KLHL40: variants seen among roughly 807,000 people sequenced by gnomAD.
KLHL40 encodes the protein kelch like family member 40, also known as kelch-like protein 40.
Under a neutral mutation model 49.7 loss-of-function variants are expected in KLHL40, and 44 were observed. The observed-to-expected ratio is 0.89, with a 90% confidence interval of 0.70 to 1.14. The LOEUF (loss-of-function observed/expected upper bound fraction) is 1.14. KLHL40 is among the 50% of genes most tolerant of loss of function. KLHL40 has a pLI of 0.00. For synonymous variants in KLHL40, 409 were observed against 365.2 expected, an observed-to-expected ratio of 1.12 and a Z score of -1.37; for missense variants, 892 against 850.3, an observed-to-expected ratio of 1.05 and a Z score of -0.61.
At position 42,686,639 on chromosome 3, in the gene KLHL40, G is replaced by A. The variant is rs1403914091; in HGVS notation, c.1021G>A (p.Ala341Thr). Reference sequence around the variant, plus strand: ...TCCAGCAGCCAACGAGTGCTACTGTGCTTCCCTCTCCAACCAGGTCCCCAA... The same window carrying A: ...TCCAGCAGCCAACGAGTGCTACTGTACTTCCCTCTCCAACCAGGTCCCCAA... ...YDPAANECYC[A>T]SLSNQVPKNH... is the part of the protein sequence containing the mutation. Residue 341 changes from alanine to threonine, a missense_variant, in exon 1 of 6, where the codon GCT (alanine) becomes ACT (threonine). Physicochemically the swap from Ala to Thr is moderately conservative, Grantham distance 58 (BLOSUM62 0). Transcript: ENST00000287777. 6.2e-7 allele frequency: 1 copy of A among 1,614,054 alleles called. No homozygotes were observed. The highest frequency in any genetic ancestry group is 2.2e-5 in the East Asian group (1 of 44,880).
At position 42,688,275 on chromosome 3, in the gene KLHL40, T is replaced by C; in HGVS notation, c.1286T>C (p.Leu429Pro). 1 of 1,613,850 alleles carries C rather than the reference T, an allele frequency of 6.2e-7. No individual in the cohort carries two copies. The highest frequency in any genetic ancestry group is 8.5e-7 in the Non-Finnish European group (1 of 1,179,994). ...GREIKDGERC[L>P]DSVMCYDRLS... The stretch of plus-strand genomic sequence containing the variant: ...GAGATCAAGGACGGCGAGCGCTGCC[T>C]GGACTCGGTCATGTGCTACGACAGG... The change falls in exon 2 of 6, where the codon CTG becomes CCG. Residue 429 changes from leucine to proline, a missense_variant. By Grantham distance (98) the Leu-to-Pro change is moderately conservative. Transcript: ENST00000287777. This position sits in a 1 kb window ranked among gnomAD's most constrained non-coding sequence, Gnocchi z 4.2.
Position 42,692,099 on chromosome 3 carries a change from T to C in KLHL40, c.*106T>C. 6 of 720,590 alleles carry C rather than the reference T, an allele frequency of 8.3e-6. No homozygotes were observed. The South Asian group carries it at 9.5e-5, about 11-fold the overall frequency. The allele number at this position is 720,590 out of a possible 1,614,324, so 44.6% of individuals were successfully genotyped here. On this transcript the variant is annotated 3_prime_UTR_variant, in exon 6 of 6. Coordinates refer to ENST00000287777, the MANE Select transcript of KLHL40 (RefSeq NM_152393.4). ...AGGCTAGGAGAGGCCAGAGTCTACCTGGATCCAGTTATGGTGCCTCAGGGG... is the reference window on the plus strand; with the variant it reads ...AGGCTAGGAGAGGCCAGAGTCTACCCGGATCCAGTTATGGTGCCTCAGGGG...
Position 42,692,323 on chromosome 3 carries a change from C to A in KLHL40, c.*330C>A. 1 of 433,006 alleles carries A rather than the reference C, an allele frequency of 2.3e-6. No individual in the cohort carries two copies. The highest frequency in any genetic ancestry group is 4.2e-6 in the Non-Finnish European group (1 of 236,186). 26.8% of individuals were successfully genotyped at this position (433,006 alleles called of 1,614,324 possible). A position where few individuals can be genotyped will look rare whatever the true frequency, so the allele number is the denominator to read the frequency against. ...TGTGCTGGCAAAGTTCCCCACAGGA[C>A]TCAGCCTTCTCGTCTGTCCGATGGG... On this transcript the variant is annotated 3_prime_UTR_variant, in exon 6 of 6. Transcript: ENST00000287777.
rs745679491 is a variant in KLHL40, at chr3:42,686,626, C to T, written c.1008C>T (p.Asn336=). 8 of 1,613,970 alleles carry T rather than the reference C, an allele frequency of 5.0e-6. No homozygotes were observed. The highest frequency in any genetic ancestry group is 2.7e-5 in the African/African-American group (2 of 74,936). Residue 336 remains asparagine, a synonymous_variant, in exon 1 of 6, where the codon AAC becomes AAT. Transcript: ENST00000287777. ...EGAVAYDPAA[N]ECYCASLSNQ... ...CTGTGGCCTACGATCCAGCAGCCAA[C>T]GAGTGCTACTGTGCTTCCCTCTCCA... is the stretch of plus-strand genomic sequence containing the variant.
At position 42,686,347 on chromosome 3, in the gene KLHL40, C is replaced by T. The variant is rs981730572; in HGVS notation, c.729C>T (p.Leu243=). 1.2e-6 allele frequency: 2 copies of T among 1,612,352 alleles called. No homozygotes were observed. The highest frequency in any genetic ancestry group is 1.3e-5 in the African/African-American group (1 of 74,874). The change falls in exon 1 of 6, where the codon CTC becomes CTT. Residue 243 remains leucine (L), a synonymous_variant. Transcript: ENST00000287777. ...AAAGCCGCGTGGAGCGCCACCCTCTCGTGCGTGCCCAGCCCGAGTTGCTGC... is the reference window on the plus strand; with the variant it reads ...AAAGCCGCGTGGAGCGCCACCCTCTTGTGCGTGCCCAGCCCGAGTTGCTGC... ...FLESRVERHP[L]VRAQPELLRK... is the part of the protein sequence containing the mutation.
intron 4 of KLHL40, among the ~76,000 whole-genome samples, chr3:42,689,582 G>A (rs963796882): frequency 1.3e-5 from 2 of 152,014 alleles, no homozygotes; most frequent in African/African-American, 4.8e-5. Flanking sequence ...TGGAGCGGGG[G>A]CCAGCAGGAG....
rs2125846815 is a variant in KLHL40, at chr3:42,692,394, T to C, written c.*401T>C. ...TGTACAGTGCAGATATGTCTCCTTC[T>C]TTAGGAAGAATAAAGTGCCTTCTGA... is the stretch of plus-strand genomic sequence containing the variant. On this transcript the variant is annotated 3_prime_UTR_variant, in exon 6 of 6. Transcript: ENST00000287777. 2.5e-6 allele frequency: 1 copy of C among 402,180 alleles called. No individual in the cohort carries two copies. The highest frequency in any genetic ancestry group is 3.2e-5 in the South Asian group (1 of 31,090). 24.9% of individuals were successfully genotyped at this position (402,180 alleles called of 1,614,324 possible).
chr3:42,689,371 A>G (rs933583432), intron 4 of KLHL40, among the ~76,000 whole-genome samples: 1 of 152,186 alleles, frequency 6.6e-6, no homozygotes, highest in Non-Finnish European at 1.5e-5. Flanking sequence ...CTGGGACATC[A>G]GAAAAGAGAA....
chr3:42,689,089 G>A, intron 4 of KLHL40, 35 bp downstream of exon 4: 1 of 1,569,278 alleles, frequency 6.4e-7, no homozygotes, highest in Non-Finnish European at 8.7e-7. Context: ...AAGGACAACT[G>A]CATGGCTTTG....
At position 42,685,551 on chromosome 3, in the gene KLHL40, C is replaced by T; in HGVS notation, c.-68C>T. 6.8e-7 allele frequency: 1 copy of T among 1,470,954 alleles called. No homozygotes were observed. Among genetic ancestry groups the T allele is most frequent in the Non-Finnish European group, 9.1e-7 (1 of 1,096,878 alleles). The allele number at this position is 1,470,954 out of a possible 1,614,324, so 91.1% of individuals were successfully genotyped here. ...GACAGCTGCTCAGTCTAAGCAAACC[C>T]CAGCAGGAAAGCAGGGGTACAGAGA... On this transcript the variant is annotated 5_prime_UTR_variant, in exon 1 of 6. Coordinates refer to ENST00000287777, the MANE Select transcript of KLHL40 (RefSeq NM_152393.4).
At chr3:42,686,878 T>C in intron 1 of KLHL40, 108 bp downstream of exon 1, 1 of 974,040 alleles carries the variant, frequency 1.0e-6, no homozygotes, top group South Asian at 1.7e-5. Flanking sequence ...TGCCACTGGG[T>C]CTAGGGTGAG....
In KLHL40 at chr3:42,691,091, C is replaced by T. The variant is rs998513617; in HGVS notation, c.1754+86C>T. On this transcript the variant is annotated intron_variant, in intron 5 of 5. Transcript: ENST00000287777. ...CATGGTGGGGTACCAAGGCACTGGGCAAGCTCCTCTGGGGGCAAAGCGGAT... is the reference window on the plus strand; with the variant it reads ...CATGGTGGGGTACCAAGGCACTGGGTAAGCTCCTCTGGGGGCAAAGCGGAT... The T allele has an allele frequency of 1.5e-5, 21 of 1,386,692 alleles. No individual in the cohort carries two copies. In the East Asian group the frequency reaches 3.8e-4, roughly 25 times the overall value. The allele number at this position is 1,386,692 out of a possible 1,614,324, so 85.9% of individuals were successfully genotyped here. A position where few individuals can be genotyped will look rare whatever the true frequency, so the allele number is the denominator to read the frequency against.
chr3:42,690,874 G>A lies in KLHL40; in HGVS notation c.1623G>A (p.Glu541=). 6.2e-7 allele frequency: 1 copy of A among 1,610,214 alleles called. No individual in the cohort carries two copies. Among genetic ancestry groups the A allele is most frequent in the Non-Finnish European group, 8.5e-7 (1 of 1,177,974 alleles). ...ACACCCCCAGGTGGGCACCCTTCGA[G>A]GCCTTCCCACAGGAGCGTAGCTCAC... ...SITDNKWAPF[E]AFPQERSSLS... is the part of the protein sequence containing the mutation. Residue 541 remains glutamate, a synonymous_variant, in exon 5 of 6, where the codon GAG becomes GAA. Transcript: ENST00000287777.
chr3:42,690,666 A>G (rs1319346249), intron 4 of KLHL40, among the ~76,000 whole-genome samples, 193 bp from the exon 5 acceptor site: 1 of 152,050 alleles, frequency 6.6e-6, no homozygotes, highest in Non-Finnish European at 1.5e-5. Context: ...CAAGGAAAGG[A>G]AAGTGGAGGA....
chr3:42,688,698 G>T lies in KLHL40; in HGVS notation c.1402G>T (p.Gly468Cys). The T allele has an allele frequency of 6.2e-7, 1 of 1,613,868 alleles. No individual in the cohort carries two copies. The highest frequency in any genetic ancestry group is 8.5e-7 in the Non-Finnish European group (1 of 1,179,862). The change falls in exon 3 of 6, where the codon GGC becomes TGC. Residue 468 changes from glycine to cysteine, a missense_variant. By Grantham distance (159) the Gly-to-Cys change is radical (BLOSUM62 -3). Transcript: ENST00000287777. This position sits in a 1 kb window ranked among gnomAD's most constrained non-coding sequence, Gnocchi z 4.2. ...CCACATGGACCTTGTCTACGTAATTGGCGGCAAAGGCAGTGACAGGTGAGG... is the reference window on the plus strand; with the variant it reads ...CCACATGGACCTTGTCTACGTAATTTGCGGCAAAGGCAGTGACAGGTGAGG... ...LSHMDLVYVI[G>C]GKGSDRKCLN...
In KLHL40 at chr3:42,688,111, G is replaced by A. The variant is rs1402611971; in HGVS notation, c.1153-31G>A. 1.2e-6 allele frequency: 2 copies of A among 1,613,280 alleles called. No homozygotes were observed. The highest frequency in any genetic ancestry group is 1.7e-6 in the Non-Finnish European group (2 of 1,179,788). On this transcript the variant is annotated intron_variant, in intron 1 of 5. Coordinates refer to ENST00000287777, the MANE Select transcript of KLHL40 (RefSeq NM_152393.4). The surrounding 1 kb of genome is among the most constrained non-coding windows in gnomAD (Gnocchi z 4.2). Reference sequence around the variant, plus strand: ...CTGGGCTGAGGCTGGGGGAGTGGGGGGCGGTAGCTGACTGGACACCTGGCC... The same window carrying A: ...CTGGGCTGAGGCTGGGGGAGTGGGGAGCGGTAGCTGACTGGACACCTGGCC...
chr3:42,687,669 C>CCAAAAAGATGAACCCCTAGTATTA (rs1215419675), intron 1 of KLHL40, among the ~76,000 whole-genome samples: 15 of 152,084 alleles, frequency 9.9e-5, no homozygotes, highest in African/African-American at 2.4e-4. Context: ...AGAAAACTTT[C>CCAAAAAGATGAACCCCTAGTATTA]CAAAAAGATG....
Position 42,688,623 on chromosome 3 carries a change from G to A in KLHL40, c.1327G>A (p.Gly443Ser), listed in dbSNP as rs1395914316. The change falls in exon 3 of 6, where the codon GGT becomes AGT. Residue 443 changes from glycine (G) to serine (S), a missense_variant. Physicochemically the swap from Gly to Ser is moderately conservative, Grantham distance 56. Coordinates refer to ENST00000287777, the MANE Select transcript of KLHL40 (RefSeq NM_152393.4). This position sits in a 1 kb window ranked among gnomAD's most constrained non-coding sequence, Gnocchi z 4.2. Reference protein sequence around the residue: ...MCYDRLSFKWGESDPLPYVVY... With the variant: ...MCYDRLSFKWSESDPLPYVVY... ...CGTCTCCTCCAGGTCATTCAAATGGGGTGAATCGGACCCGCTGCCTTACGT... is the reference window on the plus strand; with the variant it reads ...CGTCTCCTCCAGGTCATTCAAATGGAGTGAATCGGACCCGCTGCCTTACGT... 2 of 1,613,588 alleles carry A rather than the reference G, an allele frequency of 1.2e-6. No individual in the cohort carries two copies. Among genetic ancestry groups the A allele is most frequent in the East Asian group, 4.5e-5 (2 of 44,896 alleles).
chr3:42,691,532 G>A (rs1486065079), intron 5 of KLHL40, among the ~76,000 whole-genome samples: 1 of 152,146 alleles, frequency 6.6e-6, no homozygotes, highest in Non-Finnish European at 1.5e-5. Flanking sequence ...GCTGCCGGAG[G>A]CTGAGACGTG....
Sources: allele counts gnomAD v4.1 joint callset (sites outside exome capture counted in the v4.1 genomes callset), GRCh38; gene constraint gnomAD v4.1.1; non-coding constraint Gnocchi (gnomAD v3.1); transcripts MANE v1.5; gene names NCBI Gene and HGNC (gene_info 2026-07-23, HGNC 2026-07-21).